The following EPN1 variants were observed in gnomAD, a reference collection of about 807,000 sequenced individuals.
The protein encoded by EPN1 is epsin-1.
In EPN1, 25 loss-of-function variants were observed where a neutral mutation model predicts 56.9. The ratio of observed to expected loss-of-function variants is 0.44; its 90% CI spans 0.32 to 0.61. EPN1 has a LOEUF of 0.61. Among genes scored for constraint, EPN1 ranks in the 20% least tolerant of loss-of-function variants. EPN1 has a pLI of 0.05. For synonymous variants in EPN1, 411 were observed against 361.8 expected, an observed-to-expected ratio of 1.14 and a Z score of -1.54; for missense variants, 785 against 823.7, an observed-to-expected ratio of 0.95 and a Z score of 0.58.
Position 55,700,306 on chromosome 19 carries a change from T to C in EPN1, c.*4950T>C. 6.9e-6 allele frequency: 1 copy of C among 145,144 alleles called. No homozygotes were observed. Among genetic ancestry groups the C allele is most frequent in the Non-Finnish European group, 1.5e-5 (1 of 67,106 alleles). The allele number at this position is 145,144 out of a possible 1,614,324, so 9.0% of individuals were successfully genotyped here. Reference sequence around the variant, plus strand: ...TATTTATTTTTTTTTTGAGATGGAGTCTTGCTCTCGTCCCCCAGGCTGGAG... The same window carrying C: ...TATTTATTTTTTTTTTGAGATGGAGCCTTGCTCTCGTCCCCCAGGCTGGAG... On this transcript the variant is annotated 3_prime_UTR_variant, in exon 11 of 11. Transcript: ENST00000270460.
Position 55,700,572 on chromosome 19 carries a change from CT to C in EPN1, c.*5219del, listed in dbSNP as rs1306214026. 1.4e-5 allele frequency: 2 copies of C among 143,216 alleles called. No homozygotes were observed. Among genetic ancestry groups the C allele is most frequent in the Admixed American group, 1.3e-4 (2 of 14,962 alleles). 8.9% of individuals were successfully genotyped at this position (143,216 alleles called of 1,614,324 possible). A position where few individuals can be genotyped will look rare whatever the true frequency, so the allele number is the denominator to read the frequency against. On this transcript the variant is annotated 3_prime_UTR_variant, in exon 11 of 11. Transcript: ENST00000270460. The stretch of plus-strand genomic sequence containing the variant: ...ACGGCACCCGGCCCATAATTACAAA[CT>C]TTCTGAGGGACATCTTGAAGCACAC...
intron 2 of EPN1, among the ~76,000 whole-genome samples, chr19:55,679,913 A>G (rs1029791610): frequency 6.6e-6 from 1 of 152,166 alleles, no homozygotes; most frequent in African/African-American, 2.4e-5. Flanking sequence ...TCTGGAGGCA[A>G]CGAGGAGGGA....
At chr19:55,677,790 T>C in intron 1 of EPN1, 1 of 1,448,832 alleles carries the variant, frequency 6.9e-7, no homozygotes, top group African/African-American at 1.4e-5. Flanking sequence ...TTCTTTCCCA[T>C]GTGTCCTTGT....
rs895964414 is a variant in EPN1, at chr19:55,694,598, G to C, written c.1265-128G>C. 20 of 1,197,796 alleles carry C rather than the reference G, an allele frequency of 1.7e-5. No individual in the cohort carries two copies. Among genetic ancestry groups the C allele is most frequent in the Non-Finnish European group, 2.2e-5 (20 of 896,106 alleles). 74.2% of individuals were successfully genotyped at this position (1,197,796 alleles called of 1,614,324 possible). ...AGCGATGCTTCCGCTCTGCACCTCAGTTCCTCCTTCCCGAGGCCTCTGGGC... is the reference window on the plus strand; with the variant it reads ...AGCGATGCTTCCGCTCTGCACCTCACTTCCTCCTTCCCGAGGCCTCTGGGC... On this transcript the variant is annotated intron_variant, in intron 9 of 10. Transcript: ENST00000270460. This position sits in a 1 kb window ranked among gnomAD's most constrained non-coding sequence, Gnocchi z 4.2.
chr19:55,692,824 C>T, intron 8 of EPN1, 28 bp downstream of exon 8: 1 of 1,587,078 alleles, frequency 6.3e-7, no homozygotes, highest in South Asian at 1.1e-5. Flanking sequence ...GGAATGGAGC[C>T]CCGGGTGGGA....
rs1987228185 is a variant in EPN1, at chr19:55,703,097, T to G, written c.*7741T>G. ...CAGCCGTGAGCCACCGCACCTGGCC[T>G]CTTTCAGTTTTGATAGCAGATTATT... On this transcript the variant is annotated 3_prime_UTR_variant, in exon 11 of 11. Transcript: ENST00000270460. The G allele has an allele frequency of 6.7e-6, 1 of 148,810 alleles. No homozygotes were observed. Among genetic ancestry groups the G allele is most frequent in the Non-Finnish European group, 1.5e-5 (1 of 66,230 alleles). The allele number at this position is 148,810 out of a possible 1,614,324, so 9.2% of individuals were successfully genotyped here.
At position 55,685,614 on chromosome 19, in the gene EPN1, G is replaced by T. The variant is rs1262553782; in HGVS notation, c.447G>T (p.Lys149Asn). Residue 149 changes from lysine to asparagine, a missense_variant, in exon 3 of 11, where the codon AAG becomes AAT. Coordinates refer to ENST00000270460, the MANE Select transcript of EPN1 (RefSeq NM_001130072.2). ...GGGAAGAGCGGGCGCACGCGCTCAA[G>T]ACCAAGGAAAAGCTGGCACAGACCG... ...RLREERAHAL[K>N]TKEKLAQTAT... 2 of 1,602,772 alleles carry T rather than the reference G, an allele frequency of 1.2e-6. No homozygotes were observed. Among genetic ancestry groups the T allele is most frequent in the East Asian group, 2.3e-5 (1 of 44,250 alleles).
rs1324122985 is a variant in EPN1 at position 55,696,161 on chromosome 19, C to G, written c.*805C>G. The G allele has an allele frequency of 6.6e-6, 1 of 152,414 alleles. No homozygotes were observed. Among genetic ancestry groups the G allele is most frequent in the Non-Finnish European group, 1.5e-5 (1 of 68,216 alleles). The allele number at this position is 152,414 out of a possible 1,614,324, so 9.4% of individuals were successfully genotyped here. A position where few individuals can be genotyped will look rare whatever the true frequency, so the allele number is the denominator to read the frequency against. ...CATCGCCCGGGCCCACCGCAAGCAT[C>G]ACTAATCCATCCCTGCACTCCTGGA... is the stretch of plus-strand genomic sequence containing the variant. On this transcript the variant is annotated 3_prime_UTR_variant, in exon 11 of 11. Coordinates refer to ENST00000270460, the MANE Select transcript of EPN1 (RefSeq NM_001130072.2).
chr19:55,695,067 CT>C lies in EPN1; in HGVS notation c.1523-78del. On this transcript the variant is annotated intron_variant, in intron 10 of 10. Transcript: ENST00000270460. This position sits in a 1 kb window ranked among gnomAD's most constrained non-coding sequence, Gnocchi z 4.4. ...CCTCACGGGGCAGGGACACTTCGCC[CT>C]TTGCCTGCACATGCTGGATGGACAC... The C allele has an allele frequency of 6.2e-7, 1 of 1,602,794 alleles. No homozygotes were observed.
rs1215462705 is a variant in EPN1 at position 55,691,493 on chromosome 19, G to A, written c.763-261G>A. ...CTGCTGCAGTGTGGAGAATGGATGTGGGGCAGGAGTGGGGCTGTGTTGGGG... is the reference window on the plus strand; with the variant it reads ...CTGCTGCAGTGTGGAGAATGGATGTAGGGCAGGAGTGGGGCTGTGTTGGGG... On this transcript the variant is annotated intron_variant, in intron 6 of 10. Coordinates refer to ENST00000270460, the MANE Select transcript of EPN1 (RefSeq NM_001130072.2). This position sits in a 1 kb window ranked among gnomAD's most constrained non-coding sequence, Gnocchi z 5.6. 6.6e-6 allele frequency among the ~76,000 whole-genome samples: 1 copy of A among 152,018 alleles called. No homozygotes were observed. The highest frequency in any genetic ancestry group is 6.5e-5 in the Admixed American group (1 of 15,274).
At position 55,698,820 on chromosome 19, in the gene EPN1, A is replaced by T. The variant is rs918983252; in HGVS notation, c.*3464A>T. On this transcript the variant is annotated 3_prime_UTR_variant, in exon 11 of 11. Coordinates refer to ENST00000270460, the MANE Select transcript of EPN1 (RefSeq NM_001130072.2). ...GAGTGCAGTGGCACGATCTCGGCTC[A>T]CCGCAACCTCCACCTCCCGGGTTCA... 1 of 152,286 alleles carries T rather than the reference A, an allele frequency of 6.6e-6. No homozygotes were observed. Among genetic ancestry groups the T allele is most frequent in the African/African-American group, 2.4e-5 (1 of 41,326 alleles). 9.4% of individuals were successfully genotyped at this position (152,286 alleles called of 1,614,324 possible).
At position 55,703,594 on chromosome 19, in the gene EPN1, G is replaced by C. The variant is rs927709748; in HGVS notation, c.*8238G>C. On this transcript the variant is annotated 3_prime_UTR_variant, in exon 11 of 11. Transcript: ENST00000270460. ...CTGCCTCGGCCCCCCAAAGTACTGGGATTACAGGCGTGAGCCACTGGGCGC... is the reference window on the plus strand; with the variant it reads ...CTGCCTCGGCCCCCCAAAGTACTGGCATTACAGGCGTGAGCCACTGGGCGC... The C allele has an allele frequency of 2.6e-5, 4 of 152,248 alleles. No homozygotes were observed. The highest frequency in any genetic ancestry group is 5.9e-5 in the Non-Finnish European group (4 of 68,078). 9.4% of individuals were successfully genotyped at this position (152,248 alleles called of 1,614,324 possible). A position where few individuals can be genotyped will look rare whatever the true frequency, so the allele number is the denominator to read the frequency against.
rs1433490368 is a variant in EPN1, at chr19:55,688,936, G to T, written c.545G>T (p.Gly182Val). Residue 182 changes from glycine to valine, a missense_variant, in exon 4 of 11, where the codon GGG (glycine) becomes GTG (valine). Physicochemically the swap from Gly to Val is moderately radical, Grantham distance 109. Around this residue, in one of 2 missense-constraint regions of EPN1, gnomAD observed 650 missense variants for 605.0 expected, o/e 1.07. Coordinates refer to ENST00000270460, the MANE Select transcript of EPN1 (RefSeq NM_001130072.2). ...EAEQAWPQSS[G>V]EEELQLQLAL... ...GAGCAGGCGTGGCCGCAGAGCAGCG[G>T]GGAGGAGGAGCTGCAGCTCCAGCTG... The T allele has an allele frequency of 4.4e-6, 7 of 1,596,722 alleles. No individual in the cohort carries two copies.
At position 55,706,204 on chromosome 19, in the gene EPN1, TTTATTTTTCTTTC is replaced by T. The variant is rs1445898772; in HGVS notation, c.*10851_*10863del. On this transcript the variant is annotated 3_prime_UTR_variant, in exon 11 of 11. Transcript: ENST00000270460. The stretch of plus-strand genomic sequence containing the variant: ...CCTCCTTTTTCTCCTCCTTTCTTCC[TTTATTTTTCTTTC>T]TTCCTTTCCTCCTCTTTCTTCTCCT... The T allele has an allele frequency of 2.1e-5, 3 of 146,218 alleles. No individual in the cohort carries two copies. Among genetic ancestry groups the T allele is most frequent in the African/African-American group, 8.9e-5 (3 of 33,878 alleles). The allele number at this position is 146,218 out of a possible 1,614,324, so 9.1% of individuals were successfully genotyped here. A position where few individuals can be genotyped will look rare whatever the true frequency, so the allele number is the denominator to read the frequency against.
chr19:55,683,263 G>C (rs1301452623), intron 2 of EPN1, among the ~76,000 whole-genome samples: 1 of 152,000 alleles, frequency 6.6e-6, no homozygotes, highest in Non-Finnish European at 1.5e-5. Flanking sequence ...CACCATGTTG[G>C]CCAGGCTGGT....
chr19:55,681,446 A>G (rs1985814039), intron 2 of EPN1, among the ~76,000 whole-genome samples: 1 of 152,196 alleles, frequency 6.6e-6, no homozygotes, highest in Admixed American at 6.5e-5. Flanking sequence ...TGAGGAATGC[A>G]GGGTCTCAGT....
Position 55,695,633 on chromosome 19 carries a change from C to A in EPN1, c.*277C>A. On this transcript the variant is annotated 3_prime_UTR_variant, in exon 11 of 11. Transcript: ENST00000270460. This position sits in a 1 kb window ranked among gnomAD's most constrained non-coding sequence, Gnocchi z 4.4. ...TGGGGCCCCCACCCATTCCCCCTCC[C>A]TCCAAACTCCCAACCCCCAGTCAGT... 1 of 477,666 alleles carries A rather than the reference C, an allele frequency of 2.1e-6. No individual in the cohort carries two copies. 29.6% of individuals were successfully genotyped at this position (477,666 alleles called of 1,614,324 possible). A position where few individuals can be genotyped will look rare whatever the true frequency, so the allele number is the denominator to read the frequency against.
intron 3 of EPN1, among the ~76,000 whole-genome samples, chr19:55,688,468 C>G (rs1003610865): frequency 6.6e-6 from 1 of 152,130 alleles, no homozygotes; most frequent in African/African-American, 2.4e-5. Flanking sequence ...AGCTACCATT[C>G]TCAACAAGCC....
intron 3 of EPN1, among the ~76,000 whole-genome samples, chr19:55,687,240 G>A (rs1986230843): frequency 1.3e-5 from 2 of 152,196 alleles, no homozygotes; most frequent in Non-Finnish European, 2.9e-5. Flanking sequence ...GGCTGCCACT[G>A]TGGTGTGCTG....
Sources: gnomAD v4.1 joint callset for allele counts (sites outside exome capture counted in the v4.1 genomes callset) on GRCh38, gnomAD v4.1.1 for gene constraint, gnomAD v4.1.1 regional missense constraint, Gnocchi (gnomAD v3.1) non-coding constraint, MANE v1.5 for transcripts, NCBI Gene and HGNC (gene_info 2026-07-23, HGNC 2026-07-21) for gene names.